Variants in TMEM132D observed in about 807,000 individuals in gnomAD.
TMEM132D encodes transmembrane protein 132D.
Under a neutral mutation model 62.3 loss-of-function variants are expected in TMEM132D, and 21 were observed. That is an observed-to-expected ratio of 0.34 (90% CI 0.24 to 0.49). The LOEUF is 0.49. Ranked by LOEUF, TMEM132D falls within the 20% of genes least tolerant of loss-of-function variation. The pLI is 0.99. For missense variants in TMEM132D, 1,346 were observed against 1,402.8 expected, an observed-to-expected ratio of 0.96 and a Z score of 0.65; for synonymous variants, 621 against 575.6, an observed-to-expected ratio of 1.08 and a Z score of -1.13.
Position 129,074,207 on chromosome 12 carries a change from C to T in TMEM132D, c.2968G>A (p.Ala990Thr), listed in dbSNP as rs2135602170. ...FASSQDEQIT[A>T]IDRGMDFEES... ...TCGAAATCCATGCCCCTGTCAATGG[C>T]AGTGATTTGCTCATCTTGCGAGGAG... The change falls in exon 9 of 9, where the codon GCC becomes ACC. Residue 990 changes from alanine to threonine, a missense_variant. Ala to Thr is a moderately conservative substitution (Grantham distance 58). Coordinates refer to ENST00000422113, the MANE Select transcript of TMEM132D (RefSeq NM_133448.3). 6.2e-7 allele frequency: 1 copy of T among 1,613,980 alleles called. No individual in the cohort carries two copies. The highest frequency in any genetic ancestry group is 8.5e-7 in the Non-Finnish European group (1 of 1,180,028).
intron 3 of TMEM132D, among the ~76,000 whole-genome samples, chr12:129,446,659 C>G (rs555497199): frequency 6.6e-6 from 1 of 152,330 alleles, no homozygotes; most frequent in South Asian, 2.1e-4. Context: ...ATATTCACAG[C>G]ATTACTGCTT....
At chr12:129,763,519 A>G in intron 1 of TMEM132D, among the ~76,000 whole-genome samples, 1 of 151,672 alleles carries the variant, frequency 6.6e-6, no homozygotes, top group East Asian at 1.9e-4. Context: ...CTGAGCTATA[A>G]GGCCTACCTG....
intron 4 of TMEM132D, among the ~76,000 whole-genome samples, chr12:129,291,770 A>G (rs1057086389): frequency 6.6e-6 from 1 of 152,116 alleles, no homozygotes; most frequent in Non-Finnish European, 1.5e-5. Context: ...CTCTAGGGGA[A>G]AAGGGGTTGG....
At chr12:129,410,394 C>G (rs1222176373) in intron 3 of TMEM132D, among the ~76,000 whole-genome samples, 1 of 152,182 alleles carries the variant, frequency 6.6e-6, no homozygotes, top group African/African-American at 2.4e-5. Context: ...GAGTCTCACT[C>G]TGTCTCTCAG....
intron 3 of TMEM132D, among the ~76,000 whole-genome samples, chr12:129,480,699 C>G (rs7972592): frequency 0.62 from 94,766 of 151,992 alleles, 30,517 homozygotes; most frequent in African/African-American, 0.79. Flanking sequence ...TAAATGTGTT[C>G]CAAATATGAG....
At chr12:129,594,597 T>C (rs563462662) in intron 2 of TMEM132D, among the ~76,000 whole-genome samples, 11 of 152,210 alleles carry the variant, frequency 7.2e-5, no homozygotes, top group Non-Finnish European at 1.0e-4. Flanking sequence ...ACATGCATAG[T>C]CCAAAATGAT....
intron 4 of TMEM132D, among the ~76,000 whole-genome samples, chr12:129,294,429 A>G (rs911723415): frequency 1.3e-5 from 2 of 152,212 alleles, no homozygotes; most frequent in African/African-American, 4.8e-5. Context: ...ACCATCATAT[A>G]TGAATCTTTA....
intron 1 of TMEM132D, among the ~76,000 whole-genome samples, chr12:129,754,600 G>A (rs965681544): frequency 1.3e-5 from 2 of 152,182 alleles, no homozygotes; most frequent in African/African-American, 4.8e-5. Context: ...GGACACAGTA[G>A]AGGGCAGAGG....
At chr12:129,862,664 T>C (rs1382249821) in intron 1 of TMEM132D, among the ~76,000 whole-genome samples, 1 of 152,212 alleles carries the variant, frequency 6.6e-6, no homozygotes, top group Non-Finnish European at 1.5e-5. Flanking sequence ...CCTTTCATGC[T>C]GGAGGACTGT....
chr12:129,648,517 G>C (rs1431140440), intron 2 of TMEM132D, among the ~76,000 whole-genome samples: 1 of 152,152 alleles, frequency 6.6e-6, no homozygotes, highest in Non-Finnish European at 1.5e-5. Context: ...AGCTCTATCA[G>C]GGCAATGGGC....
At chr12:129,622,720 T>C (rs931692261) in intron 2 of TMEM132D, among the ~76,000 whole-genome samples, 1 of 152,184 alleles carries the variant, frequency 6.6e-6, no homozygotes, top group African/African-American at 2.4e-5. Flanking sequence ...TCCACTTCTT[T>C]TCCATGTGGT....
At chr12:129,435,178 T>C (rs549702452) in intron 3 of TMEM132D, among the ~76,000 whole-genome samples, 3 of 152,214 alleles carry the variant, frequency 2.0e-5, no homozygotes, top group African/African-American at 7.2e-5. Context: ...TAGCATTCCA[T>C]TGTGTATAAT....
At chr12:129,367,754 CTCTT>C (rs1870464181) in intron 3 of TMEM132D, among the ~76,000 whole-genome samples, 1 of 149,952 alleles carries the variant, frequency 6.7e-6, no homozygotes, top group Non-Finnish European at 1.5e-5. Context: ...GTTAAGGAAG[CTCTT>C]TCTTTTTCCA....
intron 2 of TMEM132D, among the ~76,000 whole-genome samples, chr12:129,675,015 C>T (rs1489777813): frequency 6.6e-6 from 1 of 152,052 alleles, no homozygotes; most frequent in African/African-American, 2.4e-5. Flanking sequence ...TCAACAGCAT[C>T]TAGAAAATGG....
chr12:129,146,427 G>A (rs962739316), intron 5 of TMEM132D, among the ~76,000 whole-genome samples: 1 of 152,062 alleles, frequency 6.6e-6, no homozygotes, highest in African/African-American at 2.4e-5. Flanking sequence ...AATTTCAATT[G>A]TCAGATCCAT....
rs987910858 is a variant in TMEM132D, at chr12:129,124,681, T to C, written c.1444-39979A>G. ...TTCTGTGTTGCTGGGTAGTATTTCA[T>C]TGAATGGGCACAGAATGTGTTTGTT... On this transcript the variant is annotated intron_variant, in intron 5 of 8. Transcript: ENST00000422113. Among the ~76,000 whole-genome samples, 9 of 152,226 alleles carry C rather than the reference T, an allele frequency of 5.9e-5. 1 individual carries two copies. The highest frequency in any genetic ancestry group is 5.9e-4 in the Admixed American group (9 of 15,282).
intron 1 of TMEM132D, among the ~76,000 whole-genome samples, chr12:129,733,012 C>A (rs1869300207): frequency 6.6e-6 from 1 of 152,216 alleles, no homozygotes; most frequent in African/African-American, 2.4e-5. Context: ...GAGACAGAGG[C>A]TCTGTGTCAC....
intron 1 of TMEM132D, among the ~76,000 whole-genome samples, chr12:129,799,291 C>G (rs761693544): frequency 2.0e-4 from 30 of 151,694 alleles, no homozygotes; most frequent in Non-Finnish European, 1.0e-4. Context: ...CAAAAACAAA[C>G]AAACAAACAA....
At chr12:129,221,544 T>A (rs1593300867) in intron 4 of TMEM132D, among the ~76,000 whole-genome samples, 1 of 152,172 alleles carries the variant, frequency 6.6e-6, no homozygotes, top group African/African-American at 2.4e-5. Flanking sequence ...ATAGGCTGGG[T>A]GGCTAGCCCT....
Sources: gnomAD v4.1 joint callset for allele counts (sites outside exome capture counted in the v4.1 genomes callset) on GRCh38, gnomAD v4.1.1 for gene constraint, MANE v1.5 for transcripts, NCBI Gene and HGNC (gene_info 2026-07-23, HGNC 2026-07-21) for gene names.